SULF1: variants seen among roughly 807,000 people sequenced by gnomAD.
SULF1 encodes the protein sulfatase 1.
Under a neutral mutation model 110.5 loss-of-function variants are expected in SULF1, and 46 were observed. The observed-to-expected ratio is 0.42, with a 90% confidence interval of 0.33 to 0.53. SULF1 has a LOEUF of 0.53. Among genes scored for constraint, SULF1 ranks in the 20% least tolerant of loss-of-function variants. The pLI, the probability that SULF1 is intolerant of heterozygous loss-of-function variation, is 0.12. For synonymous variants in SULF1, 371 were observed against 387.1 expected, an observed-to-expected ratio of 0.96 and a Z score of 0.49; for missense variants, 941 against 1,094.2, an observed-to-expected ratio of 0.86 and a Z score of 1.98.
intron 6 of SULF1, among the ~76,000 whole-genome samples, chr8:69,585,026 G>A (rs1440461540): frequency 1.3e-5 from 2 of 152,146 alleles, no homozygotes; most frequent in Non-Finnish European, 2.9e-5. Context: ...ATAAGCGAGG[G>A]CACCTATAAA....
At chr8:69,483,457 C>A (rs1809585458) in intron 1 of SULF1, among the ~76,000 whole-genome samples, 1 of 152,120 alleles carries the variant, frequency 6.6e-6, no homozygotes, top group Non-Finnish European at 1.5e-5. Context: ...TTCACAGCTA[C>A]TAAACGGCAG....
At chr8:69,516,789 C>CCT (rs1287014054) in intron 3 of SULF1, among the ~76,000 whole-genome samples, 3 of 151,998 alleles carry the variant, frequency 2.0e-5, no homozygotes, top group Admixed American at 2.0e-4. Context: ...AATAAACTAC[C>CCT]AGAGGTTCTA....
chr8:69,503,089 C>T (rs1266867889), intron 3 of SULF1, among the ~76,000 whole-genome samples: 2 of 152,194 alleles, frequency 1.3e-5, no homozygotes, highest in East Asian at 3.9e-4. Context: ...GCAACGTCTT[C>T]AAGTCTGGCC....
At chr8:69,570,407 T>C (rs970381225) in intron 5 of SULF1, among the ~76,000 whole-genome samples, 1 of 152,224 alleles carries the variant, frequency 6.6e-6, no homozygotes, top group Admixed American at 6.5e-5. Context: ...AATGCTAAGA[T>C]ATATGTATCG....
intron 8 of SULF1, among the ~76,000 whole-genome samples, chr8:69,600,156 A>G (rs577747953): frequency 6.6e-6 from 1 of 152,274 alleles, no homozygotes; most frequent in Admixed American, 6.5e-5. Context: ...ATGTGTTGAA[A>G]TGATGATTCA....
intron 3 of SULF1, among the ~76,000 whole-genome samples, chr8:69,511,455 T>C (rs930486931): frequency 6.6e-6 from 1 of 152,234 alleles, no homozygotes; most frequent in Admixed American, 6.5e-5. Flanking sequence ...ATATTTTTAC[T>C]CTGGTCTAGC....
chr8:69,638,936 T>G, intron 21 of SULF1, 78 bp downstream of exon 21: 1 of 1,365,096 alleles, frequency 7.3e-7, no homozygotes, highest in Non-Finnish European at 1.0e-6. Flanking sequence ...TTGGAAACAT[T>G]TAATTGCACA....
At chr8:69,510,112 T>A (rs1163931732) in intron 3 of SULF1, among the ~76,000 whole-genome samples, 1 of 152,192 alleles carries the variant, frequency 6.6e-6, no homozygotes, top group Non-Finnish European at 1.5e-5. Flanking sequence ...GCTGAGCTAT[T>A]GGCTTTTGTG....
chr8:69,586,601 C>A, intron 7 of SULF1, 93 bp downstream of exon 7: 1 of 1,333,124 alleles, frequency 7.5e-7, no homozygotes, highest in Non-Finnish European at 1.0e-6. Context: ...ACAAGATTGG[C>A]TTTCTATGTT....
In SULF1 at chr8:69,567,080, CT is replaced by C. The variant is rs1464070826; in HGVS notation, c.172+2934del. On this transcript the variant is annotated intron_variant, in intron 5 of 22. Coordinates refer to ENST00000402687, the MANE Select transcript of SULF1 (RefSeq NM_001128205.2). The stretch of plus-strand genomic sequence containing the variant: ...CCATCTACAAATAATTATTAAGCAC[CT>C]CCTAAAAACAATCGGCAAATTCATA... 2.6e-5 allele frequency among the ~76,000 whole-genome samples: 4 copies of C among 152,092 alleles called. No homozygotes were observed. In the East Asian group the frequency reaches 7.7e-4, roughly 29 times the overall value.
intron 6 of SULF1, among the ~76,000 whole-genome samples, chr8:69,578,939 G>A (rs976826228): frequency 4.6e-5 from 7 of 151,984 alleles, no homozygotes; most frequent in South Asian, 4.1e-4. Context: ...CAAGGCTGGC[G>A]GATCACGAGG....
chr8:69,548,425 G>A (rs950791176), intron 3 of SULF1, among the ~76,000 whole-genome samples: 6 of 151,220 alleles, frequency 4.0e-5, no homozygotes, highest in African/African-American at 1.5e-4. Flanking sequence ...CAAAATCATA[G>A]CCTAGAGCAC....
rs1186722346 is a variant in SULF1, at chr8:69,525,166, T to G, written c.-134+23198T>G. On this transcript the variant is annotated intron_variant, in intron 3 of 22. Coordinates refer to ENST00000402687, the MANE Select transcript of SULF1 (RefSeq NM_001128205.2). ...ATCAAATTTTTTTATTTTCCCTAGT[T>G]AAGCTATATTTCATTCTTGATGCCA... Among the ~76,000 whole-genome samples, 4 of 152,274 alleles carry G rather than the reference T, an allele frequency of 2.6e-5. No individual in the cohort carries two copies. In the East Asian group the frequency reaches 5.8e-4, roughly 22 times the overall value.
rs755111057 is a variant in SULF1, at chr8:69,564,076, T to C, written c.101T>C (p.Ile34Thr). Residue 34 changes from isoleucine (I) to threonine (T), a missense_variant, in exon 5 of 23, where the codon ATA becomes ACA. Coordinates refer to ENST00000402687, the MANE Select transcript of SULF1 (RefSeq NM_001128205.2). ...TVRSPRFRGR[I>T]QQERKNIRPN... Reference sequence around the variant, plus strand: ...AGATCCCCGAGGTTCAGAGGACGGATACAGCAGGAACGAAAAAACATCCGA... The same window carrying C: ...AGATCCCCGAGGTTCAGAGGACGGACACAGCAGGAACGAAAAAACATCCGA... The C allele has an allele frequency of 6.8e-6, 11 of 1,614,062 alleles. No homozygotes were observed. In the South Asian group the frequency reaches 7.7e-5, roughly 11 times the overall value.
chr8:69,617,882 C>T (rs1036447613), intron 13 of SULF1, among the ~76,000 whole-genome samples: 9 of 152,182 alleles, frequency 5.9e-5, no homozygotes, highest in African/African-American at 1.9e-4. Context: ...TACATCAGTA[C>T]ATTTCTAGAC....
intron 11 of SULF1, 124 bp downstream of exon 11, chr8:69,603,444 C>A: frequency 6.7e-7 from 1 of 1,498,934 alleles, no homozygotes; most frequent in South Asian, 1.2e-5. Flanking sequence ...TCACCCCAAG[C>A]TGAGCATTTC....
chr8:69,473,834 A>C (rs187293553), intron 1 of SULF1, among the ~76,000 whole-genome samples: 132 of 152,350 alleles, frequency 8.7e-4, no homozygotes, highest in Admixed American at 1.9e-3. Context: ...TGCTAGAATT[A>C]ATGGAAACTC....
At chr8:69,554,097 TGGG>T (rs1814913584) in intron 3 of SULF1, among the ~76,000 whole-genome samples, 1 of 152,210 alleles carries the variant, frequency 6.6e-6, no homozygotes, top group Non-Finnish European at 1.5e-5. Context: ...GCTTTACTTG[TGGG>T]GCCCATCATC....
chr8:69,605,513 A>G (rs930971441), intron 13 of SULF1, among the ~76,000 whole-genome samples: 1 of 152,238 alleles, frequency 6.6e-6, no homozygotes, highest in African/African-American at 2.4e-5. Flanking sequence ...AAATATTACT[A>G]TAGACCCCAG....
Sources: gnomAD v4.1 joint callset for allele counts (sites outside exome capture counted in the v4.1 genomes callset) on GRCh38, gnomAD v4.1.1 for gene constraint, MANE v1.5 for transcripts, NCBI Gene and HGNC (gene_info 2026-07-23, HGNC 2026-07-21) for gene names.